The following SLC9A6 variants were observed in gnomAD, a reference collection of about 807,000 sequenced individuals.
SLC9A6 encodes sodium/hydrogen exchanger 6.
Under a neutral mutation model 45.3 loss-of-function variants are expected in SLC9A6, and 6 were observed. The observed-to-expected ratio is 0.13, with a 90% CI of 0.07 to 0.26. The LOEUF (loss-of-function observed/expected upper bound fraction) is 0.26, where lower values mean the gene tolerates loss of function less well. Ranked by LOEUF, SLC9A6 falls within the 10% of genes least tolerant of loss-of-function variation. SLC9A6 has a pLI of 1.00. For missense variants in SLC9A6, 278 were observed against 503.7 expected (o/e 0.55, Z 4.29); for synonymous variants, 191 against 187.7 (o/e 1.02, Z -0.14).
chrX:135,984,392 C>A (rs1352067557), upstream of SLC9A6, among the ~76,000 whole-genome samples: 1 of 111,789 alleles, frequency 8.9e-6, no homozygotes, highest in Non-Finnish European at 1.9e-5. Context: ...CAGAATCCAA[C>A]AGGTAGAGGC....
In SLC9A6 at chrX:135,985,444, G is replaced by A. The variant is rs1556614667; in HGVS notation, c.-90G>A. On this transcript the variant is annotated 5_prime_UTR_variant, in exon 1 of 18. Coordinates refer to ENST00000630721, the MANE Select transcript of SLC9A6 (RefSeq NM_001379110.1). ...CCCGCCCCTTTCCCGTGAGCCCTCG[G>A]GGAGTGGTCCGACCGCGGGCGGCCG... 11 of 897,835 alleles carry A rather than the reference G, an allele frequency of 1.2e-5. No individual in the cohort carries two copies. In the South Asian group the frequency reaches 2.7e-4, roughly 22 times the overall value. 74.0% of individuals were successfully genotyped at this position (897,835 alleles called of 1,213,427 possible).
Position 136,044,818 on chromosome X carries a change from T to C in SLC9A6, c.*94T>C. The C allele has an allele frequency of 1.3e-6, 1 of 778,273 alleles. No individual in the cohort carries two copies. Among genetic ancestry groups the C allele is most frequent in the Non-Finnish European group, 2.0e-6 (1 of 508,006 alleles). The allele number at this position is 778,273 out of a possible 1,213,427, so 64.1% of individuals were successfully genotyped here. ...AAAAGTCCCAGTGCATGTCTCTGAA[T>C]GTGTAAGCTATATAAATGCTATTTA... is the stretch of plus-strand genomic sequence containing the variant. On this transcript the variant is annotated 3_prime_UTR_variant, in exon 18 of 18. Coordinates refer to ENST00000630721, the MANE Select transcript of SLC9A6 (RefSeq NM_001379110.1).
chrX:135,982,471 A>G (rs1163070732), upstream of SLC9A6, among the ~76,000 whole-genome samples: 3 of 105,664 alleles, frequency 2.8e-5, no homozygotes, highest in East Asian at 2.9e-4. Flanking sequence ...TGCAGAGTAC[A>G]GTTTGGTCAA....
At chrX:136,027,826 A>G (rs1423647731) in intron 13 of SLC9A6, among the ~76,000 whole-genome samples, 1 of 112,640 alleles carries the variant, frequency 8.9e-6, no homozygotes, top group African/African-American at 3.2e-5. Flanking sequence ...AGTCATTTAC[A>G]GTGTAAAAGG....
intron 16 of SLC9A6, among the ~76,000 whole-genome samples, chrX:136,038,067 A>G (rs2071441579): frequency 9.0e-6 from 1 of 111,530 alleles, no homozygotes; most frequent in South Asian, 3.7e-4. Flanking sequence ...CTTCAGTGCA[A>G]TGGTGAATAT....
chrX:135,998,635 T>C, intron 5 of SLC9A6, 77 bp downstream of exon 5: 3 of 777,925 alleles, frequency 3.9e-6, no homozygotes, highest in Non-Finnish European at 5.7e-6. Flanking sequence ...ATTTATGCAG[T>C]GTTATATATT....
chrX:136,030,123 C>G lies in SLC9A6; in HGVS notation c.1551-9C>G. On this transcript the variant is annotated splice_polypyrimidine_tract_variant and intron_variant, in intron 14 of 17. Transcript: ENST00000630721. ...AAAATCTCATTTGCTCTTTGTCTTT[C>G]TCCTTTAGGGTTGGTGTTGATTCAG... 1 of 1,210,310 alleles carries G rather than the reference C, an allele frequency of 8.3e-7. No individual in the cohort carries two copies. Among genetic ancestry groups the G allele is most frequent in the Non-Finnish European group, 1.1e-6 (1 of 894,020 alleles).
chrX:135,994,694 G>A (rs189620999), intron 2 of SLC9A6, 92 bp from the exon 3 acceptor site: 24 of 835,027 alleles, frequency 2.9e-5, no homozygotes, highest in African/African-American at 1.0e-4. Flanking sequence ...GGGAACTACC[G>A]TAAGAGATTT....
At chrX:136,020,760 G>A (rs1214577157) in intron 11 of SLC9A6, among the ~76,000 whole-genome samples, 1 of 112,043 alleles carries the variant, frequency 8.9e-6, no homozygotes, top group Non-Finnish European at 1.9e-5. Context: ...TGCTGAAACT[G>A]TTCCAGCTTG....
intron 16 of SLC9A6, among the ~76,000 whole-genome samples, chrX:136,037,129 T>C (rs2071424929): frequency 8.9e-6 from 1 of 112,615 alleles, no homozygotes; most frequent in African/African-American, 3.2e-5. Context: ...TAAGTCTTGC[T>C]ATCCAGTAGA....
chrX:136,001,336 CAAAA>C (rs569372174), intron 6 of SLC9A6, among the ~76,000 whole-genome samples: 1 of 23,612 alleles, frequency 4.2e-5, no homozygotes, highest in Non-Finnish European at 8.2e-5. Flanking sequence ...GACTCCATCT[CAAAA>C]AAAAAAAAAA....
At chrX:135,990,264 G>A (rs1209454164) in intron 2 of SLC9A6, among the ~76,000 whole-genome samples, 3 of 111,977 alleles carry the variant, frequency 2.7e-5, no homozygotes, top group African/African-American at 9.7e-5. Context: ...GGGATTACAG[G>A]CATGAGCCAC....
chrX:135,997,261 G>A (rs199664908), intron 3 of SLC9A6, among the ~76,000 whole-genome samples: 2 of 108,128 alleles, frequency 1.8e-5, no homozygotes, highest in East Asian at 2.9e-4. Flanking sequence ...TTGCCATGTC[G>A]GTCAGGCAGG....
chrX:136,008,080 T>C (rs782331604), intron 7 of SLC9A6, among the ~76,000 whole-genome samples: 99 of 112,056 alleles, frequency 8.8e-4, no homozygotes, highest in Non-Finnish European at 1.7e-3. Flanking sequence ...GTCTAAAATA[T>C]ATAAAAAGCA....
chrX:136,013,484 C>T, intron 10 of SLC9A6, 47 bp downstream of exon 10: 1 of 898,236 alleles, frequency 1.1e-6, no homozygotes. Context: ...CTTCTTTCAG[C>T]AAAATAGAAG....
chrX:135,981,245 G>A (rs1437946309), upstream of SLC9A6, among the ~76,000 whole-genome samples: 2 of 111,795 alleles, frequency 1.8e-5, no homozygotes, highest in African/African-American at 6.5e-5. Context: ...AGGCAAAGAG[G>A]AAGCAAGGAG....
At chrX:135,976,836 A>G (rs138387003) in intron 1 of SLC9A6, among the ~76,000 whole-genome samples, 4 of 111,808 alleles carry the variant, frequency 3.6e-5, no homozygotes, top group African/African-American at 6.5e-5. Flanking sequence ...TGTTTTCTCT[A>G]TTGCCCTCTT....
chrX:135,990,005 AGACGGAGTCTCGCTCTGTCTCC>A (rs2089404612), intron 2 of SLC9A6, among the ~76,000 whole-genome samples: 1 of 110,289 alleles, frequency 9.1e-6, no homozygotes, highest in Admixed American at 9.6e-5. Flanking sequence ...TTTTGTTTTG[AGACGGAGTCTCGCTCTGTCTCC>A]CAGGCTGGAG....
intron 13 of SLC9A6, among the ~76,000 whole-genome samples, chrX:136,025,251 C>G (rs1389166586): frequency 1.8e-5 from 2 of 112,402 alleles, no homozygotes; most frequent in Non-Finnish European, 3.8e-5. Flanking sequence ...TTGAAAGCTC[C>G]CTTGTATCTC....
Sources: gnomAD v4.1 joint callset for allele counts (sites outside exome capture counted in the v4.1 genomes callset) on GRCh38, gnomAD v4.1.1 for gene constraint, MANE v1.5 for transcripts, NCBI Gene and HGNC (gene_info 2026-07-23, HGNC 2026-07-21) for gene names.